Variants in CAB39L observed in about 807,000 individuals in gnomAD.
CAB39L encodes calcium-binding protein 39-like.
Under a neutral mutation model 39.1 loss-of-function variants are expected in CAB39L, and 23 were observed. The ratio of observed to expected loss-of-function variants is 0.59; its 90% confidence interval spans 0.42 to 0.83. The LOEUF is 0.83. Ranked by LOEUF, CAB39L falls within the 40% of genes least tolerant of loss-of-function variation. The pLI is 0.00. For missense variants in CAB39L, 366 were observed against 391.9 expected (o/e 0.93, Z 0.56); for synonymous variants, 126 against 137.2 (o/e 0.92, Z 0.57).
chr13:49,342,260 A>G (rs1955027925), intron 8 of CAB39L, among the ~76,000 whole-genome samples: 1 of 152,192 alleles, frequency 6.6e-6, no homozygotes, highest in Admixed American at 6.5e-5. Context: ...ACTATACTGC[A>G]TACTGTTGGG....
chr13:49,372,263 T>C (rs1188495018), intron 5 of CAB39L, among the ~76,000 whole-genome samples: 2 of 152,222 alleles, frequency 1.3e-5, no homozygotes. Flanking sequence ...GAAATGGTTC[T>C]TTTCTGTCTG....
chr13:49,413,446 G>C (rs1352361947), intron 3 of CAB39L, among the ~76,000 whole-genome samples: 1 of 152,110 alleles, frequency 6.6e-6, no homozygotes, highest in East Asian at 1.9e-4. Flanking sequence ...GATATAGTGA[G>C]ATAGAAAAAG....
Position 49,309,689 on chromosome 13 carries a change from C to G in CAB39L, c.*1125G>C, listed in dbSNP as rs1349230645. The G allele has an allele frequency of 6.6e-6, 1 of 152,132 alleles. No individual in the cohort carries two copies. The highest frequency in any genetic ancestry group is 2.4e-5 in the African/African-American group (1 of 41,424). The allele number at this position is 152,132 out of a possible 1,614,324, so 9.4% of individuals were successfully genotyped here. ...CCTCAATCATCCTAGTCACAAGAGA[C>G]TATTCAGGACCAAAACTGTATAGGC... On this transcript the variant is annotated 3_prime_UTR_variant, in exon 11 of 11. Transcript: ENST00000409308.
intron 3 of CAB39L, among the ~76,000 whole-genome samples, chr13:49,403,200 G>T (rs1362977183): frequency 6.6e-6 from 1 of 152,028 alleles, no homozygotes; most frequent in Non-Finnish European, 1.5e-5. Context: ...CAAGAGTGCA[G>T]AAATCTCATA....
intron 10 of CAB39L, among the ~76,000 whole-genome samples, chr13:49,321,123 G>A (rs1405914069): frequency 6.6e-6 from 1 of 152,152 alleles, no homozygotes; most frequent in African/African-American, 2.4e-5. Flanking sequence ...ATAAAGAAAA[G>A]CACAAAGAAG....
intron 3 of CAB39L, among the ~76,000 whole-genome samples, chr13:49,411,423 A>G (rs1262820438): frequency 6.6e-6 from 1 of 151,454 alleles, no homozygotes; most frequent in Non-Finnish European, 1.5e-5. Flanking sequence ...AAAAAAAAAA[A>G]AAAAGAAAAT....
intron 1 of CAB39L, 51 bp downstream of exon 1, chr13:49,443,933 ACC>A: frequency 2.2e-6 from 1 of 456,294 alleles, no homozygotes; most frequent in South Asian, 1.5e-5. Context: ...TATGTTTTCA[ACC>A]CCCAAGAAGC....
rs909805395 is a variant in CAB39L, at chr13:49,310,589, T to A, written c.*225A>T. 2.3e-6 allele frequency: 1 copy of A among 432,880 alleles called. No homozygotes were observed. Among genetic ancestry groups the A allele is most frequent in the African/African-American group, 2.0e-5 (1 of 50,866 alleles). 26.8% of individuals were successfully genotyped at this position (432,880 alleles called of 1,614,324 possible). On this transcript the variant is annotated 3_prime_UTR_variant, in exon 11 of 11. Coordinates refer to ENST00000409308, the MANE Select transcript of CAB39L (RefSeq NM_001079670.3). ...TTGCTTTTATCAACATCTGATACAA[T>A]GGTTCTCATTTCACATAAATAATCA...
intron 3 of CAB39L, among the ~76,000 whole-genome samples, chr13:49,390,262 T>C (rs7321193): frequency 6.6e-6 from 1 of 151,656 alleles, no homozygotes. Flanking sequence ...TTAAAAAAAA[T>C]TTTAGAGACA....
chr13:49,432,097 T>C (rs950255379), intron 3 of CAB39L, among the ~76,000 whole-genome samples: 2 of 152,172 alleles, frequency 1.3e-5, no homozygotes, highest in African/African-American at 4.8e-5. Flanking sequence ...AGCCCCTTAC[T>C]CTTTATTTAT....
At chr13:49,332,129 C>T (rs1256073518) in intron 9 of CAB39L, 39 bp from the exon 10 acceptor site, 2 of 1,598,624 alleles carry the variant, frequency 1.3e-6, no homozygotes, top group Non-Finnish European at 1.7e-6. Context: ...AATCTCAGAG[C>T]CACCTGATTC....
chr13:49,418,140 A>G (rs1957115345), intron 3 of CAB39L, among the ~76,000 whole-genome samples: 1 of 151,636 alleles, frequency 6.6e-6, no homozygotes, highest in Non-Finnish European at 1.5e-5. Flanking sequence ...CCAAAAGTAG[A>G]AAAAAAAATG....
At chr13:49,429,586 T>C (rs1180250464) in intron 3 of CAB39L, among the ~76,000 whole-genome samples, 4 of 152,202 alleles carry the variant, frequency 2.6e-5, no homozygotes, top group African/African-American at 9.6e-5. Context: ...GGTCAAAACA[T>C]ACATACATTT....
intron 1 of CAB39L, among the ~76,000 whole-genome samples, chr13:49,436,623 C>G (rs1957422369): frequency 7.6e-6 from 1 of 131,446 alleles, no homozygotes; most frequent in Non-Finnish European, 1.5e-5. Flanking sequence ...GCCTCAAACT[C>G]CTGGGCTCAA....
At chr13:49,392,352 AACAGAGGAAC>A (rs1956506426) in intron 3 of CAB39L, among the ~76,000 whole-genome samples, 1 of 151,332 alleles carries the variant, frequency 6.6e-6, no homozygotes, top group South Asian at 2.1e-4. Flanking sequence ...CTTGAAAGGA[AACAGAGGAAC>A]AGGCGGTGGT....
At chr13:49,375,504 C>T (rs1956031897) in intron 5 of CAB39L, among the ~76,000 whole-genome samples, 1 of 151,746 alleles carries the variant, frequency 6.6e-6, no homozygotes, top group Non-Finnish European at 1.5e-5. Flanking sequence ...GCAAGCCAAG[C>T]AAGAGGAAAA....
chr13:49,416,336 C>A (rs1292878903), intron 3 of CAB39L, among the ~76,000 whole-genome samples: 1 of 152,160 alleles, frequency 6.6e-6, no homozygotes, highest in African/African-American at 2.4e-5. Context: ...ACGGCTAACA[C>A]AAAAACCCCA....
chr13:49,320,454 T>C (rs900193537), intron 10 of CAB39L, among the ~76,000 whole-genome samples: 1 of 152,192 alleles, frequency 6.6e-6, no homozygotes, highest in African/African-American at 2.4e-5. Context: ...AACTCAAATA[T>C]TTTTAGTTTA....
Position 49,377,590 on chromosome 13 carries a change from G to A in CAB39L, c.112-459C>T, listed in dbSNP as rs1449966256. On this transcript the variant is annotated intron_variant, in intron 4 of 10. Transcript: ENST00000409308. ...CTGGTTTTGGTGGAGACGGGGTTTC[G>A]CTGTGTTGGCCGGGCAGGTCTCCAG... Among the ~76,000 whole-genome samples the A allele has an allele frequency of 2.3e-5, 2 of 88,290 alleles. 1 individual carries two copies. The highest frequency in any genetic ancestry group is 4.5e-5 in the Non-Finnish European group (2 of 44,118). 57.9% of individuals were successfully genotyped at this position (88,290 alleles called of 152,430 possible). A position where few individuals can be genotyped will look rare whatever the true frequency, so the allele number is the denominator to read the frequency against.
Sources: allele counts gnomAD v4.1 joint callset (sites outside exome capture counted in the v4.1 genomes callset), GRCh38; gene constraint gnomAD v4.1.1; transcripts MANE v1.5; gene names NCBI Gene and HGNC (gene_info 2026-07-23, HGNC 2026-07-21).